The following DMP1 variants were observed in gnomAD, a reference collection of about 807,000 sequenced individuals.
DMP1 encodes dentin matrix acidic phosphoprotein 1, also known as dentin matrix protein 1.
DMP1 carries 20 observed loss-of-function variants against 14.6 expected under a neutral mutation model. The ratio of observed to expected loss-of-function variants is 1.37; its 90% CI spans 0.96 to 1.99. The LOEUF (loss-of-function observed/expected upper bound fraction) is 1.99. Among genes scored for constraint, DMP1 ranks in the 30% most tolerant of loss-of-function variants. The pLI, the probability that DMP1 is intolerant of heterozygous loss-of-function variation, is 0.00. For synonymous variants in DMP1, 197 were observed against 215.3 expected, an observed-to-expected ratio of 0.91 and a Z score of 0.75; for missense variants, 567 against 620.5, an observed-to-expected ratio of 0.91 and a Z score of 0.92.
rs138198318 is a variant in DMP1, at chr4:87,651,672, T to C, written c.-22+1288T>C. Among the ~76,000 whole-genome samples the C allele has an allele frequency of 1.7e-3, 255 of 152,208 alleles. 3 individuals carry two copies. Among genetic ancestry groups the C allele is most frequent in the African/African-American group, 5.5e-3 (230 of 41,554 alleles). ...TACCAAAATATTAGAGTTTCTTAAA[T>C]TGTTGGTTTTGAGAATATGGGCTAG... is the stretch of plus-strand genomic sequence containing the variant. On this transcript the variant is annotated intron_variant, in intron 1 of 5. Transcript: ENST00000339673.
At chr4:87,661,846 T>G in intron 5 of DMP1, 116 bp from the exon 6 acceptor site, 1 of 1,577,762 alleles carries the variant, frequency 6.3e-7, no homozygotes, top group South Asian at 1.1e-5. Context: ...AAACTGACCG[T>G]AGATTAGAGG....
intron 1 of DMP1, among the ~76,000 whole-genome samples, chr4:87,651,342 G>A (rs546329810): frequency 1.3e-5 from 2 of 152,194 alleles, no homozygotes; most frequent in African/African-American, 4.8e-5. Flanking sequence ...CACCTCAGAG[G>A]TATATTCCTG....
At chr4:87,652,576 A>G (rs1728554192) in intron 1 of DMP1, among the ~76,000 whole-genome samples, 2 of 152,170 alleles carry the variant, frequency 1.3e-5, no homozygotes, top group South Asian at 4.1e-4. Context: ...GAGTATTTCT[A>G]GAATCCTGAG....
Position 87,663,245 on chromosome 4 carries a change from G to A in DMP1, c.1467G>A (p.Arg489=). The change falls in exon 6 of 6, where the codon CGG becomes CGA. Residue 489 remains arginine (R), a synonymous_variant. Coordinates refer to ENST00000339673, the MANE Select transcript of DMP1 (RefSeq NM_004407.4). ...TGAAAAACATTGAGATAGAGAGCCGGAAATTAACAGTTGATGCCTATCACA... is the reference window on the plus strand; with the variant it reads ...TGAAAAACATTGAGATAGAGAGCCGAAAATTAACAGTTGATGCCTATCACA... ...GQLKNIEIES[R]KLTVDAYHNK... is the part of the protein sequence containing the mutation. The A allele has an allele frequency of 6.2e-7, 1 of 1,614,220 alleles. No homozygotes were observed. Among genetic ancestry groups the A allele is most frequent in the Non-Finnish European group, 8.5e-7 (1 of 1,180,050 alleles).
At position 87,664,238 on chromosome 4, in the gene DMP1, T is replaced by G. The variant is rs146337309; in HGVS notation, c.*918T>G. 155 of 152,746 alleles carry G rather than the reference T, an allele frequency of 1.0e-3. No individual in the cohort carries two copies. Among genetic ancestry groups the G allele is most frequent in the Non-Finnish European group, 1.6e-3 (107 of 68,022 alleles). 9.5% of individuals were successfully genotyped at this position (152,746 alleles called of 1,614,324 possible). On this transcript the variant is annotated 3_prime_UTR_variant, in exon 6 of 6. Coordinates refer to ENST00000339673, the MANE Select transcript of DMP1 (RefSeq NM_004407.4). ...GCAATGCTAGAAAAAAACTGTTCTC[T>G]GAGTCCTTTACAGAGCAAAATTCTG...
intron 3 of DMP1, 99 bp from the exon 4 acceptor site, chr4:87,659,121 G>A (rs1251553033): frequency 7.9e-7 from 1 of 1,273,522 alleles, no homozygotes; most frequent in South Asian, 1.3e-5. Flanking sequence ...TCTCTACCAA[G>A]AAACTAAAAA....
rs1222098738 is a variant in DMP1, at chr4:87,663,474, T to G, written c.*154T>G. The G allele has an allele frequency of 8.9e-7, 1 of 1,124,872 alleles. No individual in the cohort carries two copies. The highest frequency in any genetic ancestry group is 2.5e-5 in the East Asian group (1 of 39,826). 69.7% of individuals were successfully genotyped at this position (1,124,872 alleles called of 1,614,324 possible). ...AATTGCTGGACATTACACTTGTTTTTAGGGTGTCATCATTTCACAGAGGTT... is the reference window on the plus strand; with the variant it reads ...AATTGCTGGACATTACACTTGTTTTGAGGGTGTCATCATTTCACAGAGGTT... On this transcript the variant is annotated 3_prime_UTR_variant, in exon 6 of 6. Transcript: ENST00000339673.
Position 87,662,887 on chromosome 4 carries a change from C to T in DMP1, c.1109C>T (p.Pro370Leu). 3 of 1,614,142 alleles carry T rather than the reference C, an allele frequency of 1.9e-6. No homozygotes were observed. The highest frequency in any genetic ancestry group is 2.5e-6 in the Non-Finnish European group (3 of 1,180,026). The change falls in exon 6 of 6, where the codon CCC becomes CTC. Residue 370 changes from proline (P) to leucine (L), a missense_variant. Transcript: ENST00000339673. Reference protein sequence around the residue: ...VSESRGDNPDPTTSYVEDQED... With the variant: ...VSESRGDNPDLTTSYVEDQED... ...GAGTCCAGGGGAGATAACCCCGACC[C>T]CACAACTAGTTATGTAGAAGACCAG...
At chr4:87,661,628 C>T (rs1312342504) in intron 5 of DMP1, among the ~76,000 whole-genome samples, 1 of 147,256 alleles carries the variant, frequency 6.8e-6, no homozygotes, top group Non-Finnish European at 1.5e-5. Context: ...GGGTGTGAGC[C>T]ACCTTGCCCA....
intron 1 of DMP1, among the ~76,000 whole-genome samples, chr4:87,651,903 C>A (rs1366825892): frequency 6.6e-6 from 1 of 152,044 alleles, no homozygotes; most frequent in Non-Finnish European, 1.5e-5. Flanking sequence ...TTTTGGTTTA[C>A]ATAAAAGAAG....
chr4:87,660,079 T>C (rs1560492569), intron 5 of DMP1, among the ~76,000 whole-genome samples: 1 of 152,206 alleles, frequency 6.6e-6, no homozygotes, highest in Non-Finnish European at 1.5e-5. Flanking sequence ...TTCTTAGCTA[T>C]GCTATTGTTT....
chr4:87,657,044 C>A lies in DMP1; in HGVS notation c.67C>A (p.Gln23Lys). Residue 23 changes from glutamine to lysine, a missense_variant, in exon 3 of 6, where the codon CAA becomes AAA. Coordinates refer to ENST00000339673, the MANE Select transcript of DMP1 (RefSeq NM_004407.4). ...CTAAATTTTCTAGGTAACCAGGTAT[C>A]AAAATAATGAATCTGAGGATTCTGA... ...LSCALPVTRY[Q>K]NNESEDSEEW... 6.4e-7 allele frequency: 1 copy of A among 1,555,542 alleles called. No homozygotes were observed. Among genetic ancestry groups the A allele is most frequent in the South Asian group, 1.1e-5 (1 of 89,480 alleles).
chr4:87,653,407 A>ATATAT (rs1553906481), intron 1 of DMP1, among the ~76,000 whole-genome samples: 1 of 104,196 alleles, frequency 9.6e-6, no homozygotes, highest in Non-Finnish European at 2.0e-5. Flanking sequence ...ATATATATAT[A>ATATAT]TATATATATA....
chr4:87,653,881 A>G (rs922388815), intron 1 of DMP1, among the ~76,000 whole-genome samples: 1 of 152,190 alleles, frequency 6.6e-6, no homozygotes, highest in Non-Finnish European at 1.5e-5. Context: ...GGAGAAAAGG[A>G]ATACAAAATT....
At chr4:87,659,178 T>C in intron 3 of DMP1, 42 bp from the exon 4 acceptor site, 2 of 1,600,226 alleles carry the variant, frequency 1.2e-6, no homozygotes, top group Non-Finnish European at 1.7e-6. Flanking sequence ...GAAATCCATC[T>C]GTGAGGGAGT....
At chr4:87,661,901 G>A (rs1418959990) in intron 5 of DMP1, 61 bp from the exon 6 acceptor site, 8 of 1,613,664 alleles carry the variant, frequency 5.0e-6, no homozygotes. Context: ...AAAGGCTCTA[G>A]ATAACTCCTT....
Position 87,661,983 on chromosome 4 carries a change from A to G in DMP1, c.205A>G (p.Ser69Gly), listed in dbSNP as rs10019009. ...EEQANEDPSD[S>G]TQSEEGLGSD... ...CTAGGCAAATGAAGACCCCAGTGAC[A>G]GCACTCAGTCAGAGGAGGGCCTGGG... Residue 69 changes from serine (S) to glycine (G), a missense_variant, in exon 6 of 6, where the codon AGC becomes GGC. Coordinates refer to ENST00000339673, the MANE Select transcript of DMP1 (RefSeq NM_004407.4). 3.7e-6 allele frequency: 6 copies of G among 1,613,846 alleles called. No homozygotes were observed. The Admixed American group carries it at 5.0e-5, about 13-fold the overall frequency.
intron 1 of DMP1, among the ~76,000 whole-genome samples, chr4:87,653,269 T>G (rs1728569681): frequency 6.6e-6 from 1 of 151,232 alleles, no homozygotes; most frequent in Non-Finnish European, 1.5e-5. Context: ...AGAAGCCTGT[T>G]CAGGCTCCTT....
intron 5 of DMP1, among the ~76,000 whole-genome samples, chr4:87,659,692 T>C (rs1011650949): frequency 4.6e-5 from 7 of 152,226 alleles, no homozygotes; most frequent in African/African-American, 1.4e-4. Context: ...TGAGCCTAGA[T>C]TGCTGGCACT....
Sources: allele counts gnomAD v4.1 joint callset (sites outside exome capture counted in the v4.1 genomes callset), GRCh38; gene constraint gnomAD v4.1.1; transcripts MANE v1.5; gene names NCBI Gene and HGNC (gene_info 2026-07-23, HGNC 2026-07-21).